PTTG1IP: variants seen among roughly 807,000 people sequenced by gnomAD.
PTTG1IP encodes PTTG1 interacting protein.
In PTTG1IP, 16 loss-of-function variants were observed where a neutral mutation model predicts 24.4. The observed-to-expected ratio is 0.66, with a 90% CI of 0.44 to 1.00. The LOEUF (loss-of-function observed/expected upper bound fraction) is 1.00. PTTG1IP is among the 50% of genes least tolerant of loss of function. The pLI is 0.00. For synonymous variants in PTTG1IP, 89 were observed against 96.8 expected (o/e 0.92, Z 0.47); for missense variants, 241 against 245.8 (o/e 0.98, Z 0.13).
chr21:44,858,532 C>T (rs1050778275), intron 3 of PTTG1IP, among the ~76,000 whole-genome samples: 6 of 152,164 alleles, frequency 3.9e-5, no homozygotes, highest in African/African-American at 1.4e-4. Flanking sequence ...TCAGAATTAA[C>T]CAAACAAGCC....
intron 1 of PTTG1IP, among the ~76,000 whole-genome samples, chr21:44,872,016 C>T (rs1177471441): frequency 1.3e-5 from 2 of 152,224 alleles, no homozygotes; most frequent in East Asian, 3.8e-4. Flanking sequence ...TTCAGCAGTG[C>T]AGAGCAGGAG....
chr21:44,858,567 G>A (rs945296332), intron 3 of PTTG1IP, among the ~76,000 whole-genome samples: 34 of 152,272 alleles, frequency 2.2e-4, no homozygotes, highest in South Asian at 1.9e-3. Context: ...CTCCTGTCAC[G>A]AAATGGCTGC....
chr21:44,870,279 G>A (rs1474678055), intron 1 of PTTG1IP, among the ~76,000 whole-genome samples: 3 of 152,250 alleles, frequency 2.0e-5, no homozygotes, highest in East Asian at 1.9e-4. Flanking sequence ...AGTGGCTCAC[G>A]CCTGTAATCC....
At chr21:44,863,240 C>G (rs1601252735) in intron 2 of PTTG1IP, among the ~76,000 whole-genome samples, 1 of 135,778 alleles carries the variant, frequency 7.4e-6, no homozygotes, top group Admixed American at 7.3e-5. Context: ...ACGGCCTCAG[C>G]AGCAGAGACA....
At chr21:44,868,967 G>A (rs908513566) in intron 1 of PTTG1IP, among the ~76,000 whole-genome samples, 1 of 152,210 alleles carries the variant, frequency 6.6e-6, no homozygotes, top group African/African-American at 2.4e-5. Flanking sequence ...CCATAACCCA[G>A]AACAACATGA....
In PTTG1IP at chr21:44,861,089, A is replaced by T. The variant is rs140691343; in HGVS notation, c.277+74T>A. On this transcript the variant is annotated intron_variant, in intron 3 of 5. Transcript: ENST00000330938. Reference sequence around the variant, plus strand: ...AGTGCTGGGATTACAGACGTGAGCCACCGCGCCCGGCCCATACTACTATTT... The same window carrying T: ...AGTGCTGGGATTACAGACGTGAGCCTCCGCGCCCGGCCCATACTACTATTT... 1.7e-3 allele frequency: 2,271 copies of T among 1,334,824 alleles called. 29 individuals are homozygous for T. The African/African-American group carries it at 0.029, about 17-fold the overall frequency. 82.7% of individuals were successfully genotyped at this position (1,334,824 alleles called of 1,614,324 possible).
At position 44,857,158 on chromosome 21, in the gene PTTG1IP, A is replaced by C. The variant is rs574671391; in HGVS notation, c.278-794T>G. The stretch of plus-strand genomic sequence containing the variant: ...AAAATACCCTAAAACTACTTTTGCA[A>C]ATGTGTTTTCAATCATGTAGTTCAA... On this transcript the variant is annotated intron_variant, in intron 3 of 5. Coordinates refer to ENST00000330938, the MANE Select transcript of PTTG1IP (RefSeq NM_004339.4). Among the ~76,000 whole-genome samples the C allele has an allele frequency of 1.1e-4, 17 of 152,346 alleles. 1 individual carries two copies. The highest frequency in any genetic ancestry group is 2.4e-4 in the Non-Finnish European group (16 of 68,032).
intron 2 of PTTG1IP, among the ~76,000 whole-genome samples, chr21:44,863,155 G>A (rs927676658): frequency 1.5e-5 from 2 of 137,106 alleles, no homozygotes; most frequent in African/African-American, 2.9e-5. Flanking sequence ...CTCAGCAGCA[G>A]AGACACAGCC....
intron 1 of PTTG1IP, among the ~76,000 whole-genome samples, chr21:44,872,286 C>G (rs776279108): frequency 6.6e-6 from 1 of 152,194 alleles, no homozygotes; most frequent in Non-Finnish European, 1.5e-5. Context: ...CGTCACAAAC[C>G]CTAAGCACAC....
At chr21:44,855,746 A>T (rs2083444711) in intron 4 of PTTG1IP, among the ~76,000 whole-genome samples, 1 of 151,642 alleles carries the variant, frequency 6.6e-6, no homozygotes, top group Non-Finnish European at 1.5e-5. Context: ...GGATTACACC[A>T]CCTCCTCCTG....
At position 44,856,379 on chromosome 21, in the gene PTTG1IP, AC is replaced by A. The variant is rs773300590; in HGVS notation, c.278-16del. On this transcript the variant is annotated splice_polypyrimidine_tract_variant and intron_variant, in intron 3 of 5. Transcript: ENST00000330938. ...CTCAAAGTTCACTGGAGATTCAAGC[AC>A]CTGGAGTTAGGGCCGCCCCAGACAC... 1.2e-6 allele frequency: 2 copies of A among 1,601,920 alleles called. No individual in the cohort carries two copies. The highest frequency in any genetic ancestry group is 2.2e-5 in the South Asian group (2 of 89,214).
In PTTG1IP at chr21:44,861,193, A is replaced by C. The variant is rs2083489254; in HGVS notation, c.247T>G (p.Leu83Val). 1 of 1,614,122 alleles carries C rather than the reference A, an allele frequency of 6.2e-7. No homozygotes were observed. The highest frequency in any genetic ancestry group is 1.1e-5 in the South Asian group (1 of 91,090). The change falls in exon 3 of 6, where the codon TTG becomes GTG. Residue 83 changes from leucine (L) to valine (V), a missense_variant. Leu to Val is a conservative substitution (Grantham distance 32). Transcript: ENST00000330938. ...CAAACTCCCCAGCGTGCAGAGCTCAATTTACAAAGGGAAGCCGGTGGCAAG... is the reference window on the plus strand; with the variant it reads ...CAAACTCCCCAGCGTGCAGAGCTCACTTTACAAAGGGAAGCCGGTGGCAAG... ...SVLPPASLCK[L>V]SSARWGVCWV...
chr21:44,861,580 C>A, intron 2 of PTTG1IP: 2 of 631,456 alleles, frequency 3.2e-6, no homozygotes, highest in Non-Finnish European at 5.8e-6. Flanking sequence ...TGCTGCCAAC[C>A]CCACCTCATG....
intron 3 of PTTG1IP, among the ~76,000 whole-genome samples, chr21:44,860,237 C>T (rs2083479902): frequency 6.6e-6 from 1 of 152,040 alleles, no homozygotes; most frequent in Admixed American, 6.6e-5. Flanking sequence ...GACGTGGTGG[C>T]GGGCACCTGT....
At chr21:44,858,795 G>A (rs1208716949) in intron 3 of PTTG1IP, among the ~76,000 whole-genome samples, 2 of 152,220 alleles carry the variant, frequency 1.3e-5, no homozygotes, top group East Asian at 3.8e-4. Context: ...GCTAGTCACT[G>A]CAGAAATGCA....
intron 2 of PTTG1IP, among the ~76,000 whole-genome samples, chr21:44,863,797 C>T (rs537564231): frequency 1.3e-5 from 2 of 152,318 alleles, no homozygotes; most frequent in South Asian, 2.1e-4. Context: ...ACAGAAACAG[C>T]GTCTTTCAAT....
At chr21:44,862,693 C>G (rs144571581) in intron 2 of PTTG1IP, among the ~76,000 whole-genome samples, 1 of 152,220 alleles carries the variant, frequency 6.6e-6, no homozygotes, top group Non-Finnish European at 1.5e-5. Flanking sequence ...AAGTCTATTA[C>G]AAAAAAATAT....
At chr21:44,864,489 CG>C (rs1569325529) in intron 2 of PTTG1IP, among the ~76,000 whole-genome samples, 2 of 152,210 alleles carry the variant, frequency 1.3e-5, no homozygotes, top group African/African-American at 4.8e-5. Flanking sequence ...CTCCGACTTC[CG>C]GTTTCAAGAA....
At position 44,855,302 on chromosome 21, in the gene PTTG1IP, T is replaced by C. The variant is rs1021264678; in HGVS notation, c.450-46A>G. 1.9e-6 allele frequency: 3 copies of C among 1,563,738 alleles called. No individual in the cohort carries two copies. In the African/African-American group the frequency reaches 4.1e-5, roughly 21 times the overall value. ...ATGAGCACCAAACGACAGCGCACGGTGGTGTAACTGCTAGACACGCCCTTC... is the reference window on the plus strand; with the variant it reads ...ATGAGCACCAAACGACAGCGCACGGCGGTGTAACTGCTAGACACGCCCTTC... On this transcript the variant is annotated intron_variant, in intron 4 of 5. Coordinates refer to ENST00000330938, the MANE Select transcript of PTTG1IP (RefSeq NM_004339.4).
Sources: gnomAD v4.1 joint callset for allele counts (sites outside exome capture counted in the v4.1 genomes callset) on GRCh38, gnomAD v4.1.1 for gene constraint, MANE v1.5 for transcripts, NCBI Gene and HGNC (gene_info 2026-07-23, HGNC 2026-07-21) for gene names.